The following WARS2 variants were observed in gnomAD, a reference collection of about 807,000 sequenced individuals.
The protein encoded by WARS2 is tryptophan--tRNA ligase, mitochondrial.
In WARS2, 28 loss-of-function variants were observed where a neutral mutation model predicts 36.5. The ratio of observed to expected loss-of-function variants is 0.77; its 90% CI spans 0.57 to 1.05. The LOEUF is 1.05. Ranked by LOEUF, WARS2 falls within the 50% of genes least tolerant of loss-of-function variation. The pLI is 0.00. For synonymous variants in WARS2, 174 were observed against 178.4 expected (o/e 0.98, Z 0.20); for missense variants, 435 against 456.8 (o/e 0.95, Z 0.44).
At chr1:119,098,059 G>A (rs1653570318) in intron 1 of WARS2, among the ~76,000 whole-genome samples, 1 of 152,002 alleles carries the variant, frequency 6.6e-6, no homozygotes, top group Non-Finnish European at 1.5e-5. Flanking sequence ...GACCAGCCTG[G>A]CCAATATGGT....
intron 1 of WARS2, chr1:119,082,658 C>T (rs1447651685): frequency 6.5e-6 from 1 of 154,716 alleles, no homozygotes; most frequent in African/African-American, 2.4e-5. Context: ...CCCCTCTCCC[C>T]AACACACTTC....
intron 1 of WARS2, among the ~76,000 whole-genome samples, chr1:119,107,628 C>G (rs1053496415): frequency 1.6e-4 from 24 of 151,812 alleles, no homozygotes; most frequent in African/African-American, 5.6e-4. Context: ...CTCTCTCTCT[C>G]TCTAGATGAA....
At chr1:119,126,901 T>G in intron 1 of WARS2, 3 of 802,474 alleles carry the variant, frequency 3.7e-6, no homozygotes, top group Non-Finnish European at 6.4e-6. Flanking sequence ...TTGTTGCATT[T>G]TTTAGTAAAA....
At chr1:119,038,402 C>T (rs1330015176) in intron 4 of WARS2, among the ~76,000 whole-genome samples, 2 of 152,106 alleles carry the variant, frequency 1.3e-5, no homozygotes, top group Non-Finnish European at 2.9e-5. Context: ...TTAGAAAAAG[C>T]TCTCAAATGC....
At chr1:119,112,348 A>G (rs1213724601) in intron 1 of WARS2, among the ~76,000 whole-genome samples, 14 of 152,196 alleles carry the variant, frequency 9.2e-5, no homozygotes, top group Admixed American at 9.2e-4. Flanking sequence ...AACAGTAAAG[A>G]AAGATGTAGA....
intron 1 of WARS2, among the ~76,000 whole-genome samples, chr1:119,127,952 C>A (rs1019262126): frequency 1.3e-5 from 2 of 152,174 alleles, no homozygotes; most frequent in South Asian, 4.1e-4. Context: ...GTCAAAAGAG[C>A]AAAACTCATT....
chr1:119,055,353 C>T (rs1455703754), intron 2 of WARS2, among the ~76,000 whole-genome samples: 1 of 152,056 alleles, frequency 6.6e-6, no homozygotes, highest in African/African-American at 2.4e-5. Flanking sequence ...TGGCTCATGC[C>T]TGTAATCCCA....
intron 1 of WARS2, among the ~76,000 whole-genome samples, chr1:119,106,574 T>C (rs959178429): frequency 3.4e-4 from 52 of 152,160 alleles, no homozygotes; most frequent in African/African-American, 1.2e-3. Flanking sequence ...ATATGTAGCG[T>C]TTTCTGATTG....
intron 2 of WARS2, among the ~76,000 whole-genome samples, chr1:119,055,930 G>C (rs527873813): frequency 6.6e-6 from 1 of 151,204 alleles, no homozygotes; most frequent in South Asian, 2.1e-4. Context: ...TTAGTTTACG[G>C]AATAAAACTC....
chr1:119,032,626 C>A lies in WARS2; in HGVS notation c.*285G>T. The A allele has an allele frequency of 2.4e-6, 1 of 414,650 alleles. No homozygotes were observed. Among genetic ancestry groups the A allele is most frequent in the South Asian group, 3.4e-5 (1 of 29,754 alleles). The allele number at this position is 414,650 out of a possible 1,614,324, so 25.7% of individuals were successfully genotyped here. On this transcript the variant is annotated 3_prime_UTR_variant, in exon 6 of 6. Coordinates refer to ENST00000235521, the MANE Select transcript of WARS2 (RefSeq NM_015836.4). ...TTCCCAAATTACTCCTTACTTCAAT[C>A]ACATTTCTGCAGGCCAAGGAGTGTG...
intron 2 of WARS2, among the ~76,000 whole-genome samples, chr1:119,056,892 C>T (rs917859601): frequency 6.6e-6 from 1 of 151,988 alleles, no homozygotes; most frequent in African/African-American, 2.4e-5. Context: ...TGGGTAAATA[C>T]CTAGGAGTAG....
intron 1 of WARS2, among the ~76,000 whole-genome samples, chr1:119,077,584 C>T (rs34851338): frequency 0.055 from 8,339 of 151,872 alleles, 422 homozygotes; most frequent in East Asian, 0.19. Context: ...ATTTTCTATG[C>T]CTTGGTTTCC....
At chr1:119,103,190 T>C (rs1653993041) in intron 1 of WARS2, among the ~76,000 whole-genome samples, 4 of 152,192 alleles carry the variant, frequency 2.6e-5, no homozygotes, top group Admixed American at 2.6e-4. Flanking sequence ...TGTTTGTTGG[T>C]TGGTTGGTTG....
chr1:119,082,168 G>A (rs1319309065), intron 1 of WARS2, among the ~76,000 whole-genome samples: 4 of 152,186 alleles, frequency 2.6e-5, no homozygotes, highest in African/African-American at 9.7e-5. Context: ...CAATTAGACT[G>A]TGAGCTCCTT....
At chr1:119,041,309 G>T (rs1490300382) in intron 4 of WARS2, among the ~76,000 whole-genome samples, 1 of 152,186 alleles carries the variant, frequency 6.6e-6, no homozygotes, top group Non-Finnish European at 1.5e-5. Context: ...ATCTCTAGAA[G>T]GCCAAATGGG....
At chr1:119,075,548 G>T (rs1478754603) in intron 2 of WARS2, among the ~76,000 whole-genome samples, 1 of 152,144 alleles carries the variant, frequency 6.6e-6, no homozygotes, top group African/African-American at 2.4e-5. Flanking sequence ...AATAATGATA[G>T]AAATGTACAA....
intron 1 of WARS2, among the ~76,000 whole-genome samples, chr1:119,106,056 A>C (rs1250908846): frequency 2.0e-5 from 3 of 152,206 alleles, no homozygotes; most frequent in African/African-American, 7.2e-5. Flanking sequence ...GATAGGTAGG[A>C]AATAGGTAGA....
intron 1 of WARS2, among the ~76,000 whole-genome samples, chr1:119,076,968 C>T (rs1045408059): frequency 6.6e-6 from 1 of 151,560 alleles, no homozygotes; most frequent in African/African-American, 2.4e-5. Context: ...GGTGAAACCC[C>T]GTCTCTACTA....
chr1:119,096,139 C>T (rs1388811754), intron 1 of WARS2, among the ~76,000 whole-genome samples: 1 of 152,108 alleles, frequency 6.6e-6, no homozygotes, highest in African/African-American at 2.4e-5. Context: ...CTTTCCTTTC[C>T]TGATTGCTTA....
Sources: gnomAD v4.1 joint callset for allele counts (sites outside exome capture counted in the v4.1 genomes callset) on GRCh38, gnomAD v4.1.1 for gene constraint, MANE v1.5 for transcripts, NCBI Gene and HGNC (gene_info 2026-07-23, HGNC 2026-07-21) for gene names.